MAPK14: variants seen among roughly 807,000 people sequenced by gnomAD.
MAPK14 encodes CSAID-binding protein.
In MAPK14, 16 loss-of-function variants were observed where a neutral mutation model predicts 49.6. The observed-to-expected ratio is 0.32, with a 90% CI of 0.22 to 0.49. The LOEUF is 0.49. Among genes scored for constraint, MAPK14 ranks in the 20% least tolerant of loss-of-function variants. MAPK14 has a pLI of 0.99. For synonymous variants in MAPK14, 142 were observed against 158.0 expected (o/e 0.90, Z 0.76); for missense variants, 200 against 441.2 (o/e 0.45, Z 4.90).
intron 8 of MAPK14, among the ~76,000 whole-genome samples, chr6:36,089,119 G>A (rs919293368): frequency 3.3e-5 from 5 of 152,190 alleles, no homozygotes; most frequent in Admixed American, 2.6e-4. Context: ...GTTGATTGCA[G>A]CAGTATTCAG....
chr6:36,058,318 A>T, intron 2 of MAPK14, among the ~76,000 whole-genome samples: 1 of 152,240 alleles, frequency 6.6e-6, no homozygotes, highest in East Asian at 1.9e-4. Context: ...GGTAACAACC[A>T]TGGATGTGTG....
At chr6:36,073,043 T>C (rs755292241) in intron 4 of MAPK14, 59 bp downstream of exon 4, 1 of 1,086,014 alleles carries the variant, frequency 9.2e-7, no homozygotes, top group South Asian at 1.3e-5. Flanking sequence ...CCCCTCCTTT[T>C]AGGGCTTAAA....
chr6:36,070,297 A>G (rs950321538), intron 3 of MAPK14, among the ~76,000 whole-genome samples: 2 of 152,214 alleles, frequency 1.3e-5, no homozygotes, highest in Non-Finnish European at 2.9e-5. Flanking sequence ...GATTAAGATC[A>G]TGGTCTGTGG....
At chr6:36,101,638 C>T (rs1765642498) in intron 9 of MAPK14, among the ~76,000 whole-genome samples, 1 of 151,928 alleles carries the variant, frequency 6.6e-6, no homozygotes, top group Admixed American at 6.6e-5. Context: ...CTCAGTCTCC[C>T]AAGTAGCTGG....
At chr6:36,045,660 C>A (rs201746429) in intron 1 of MAPK14, among the ~76,000 whole-genome samples, 4 of 144,396 alleles carry the variant, frequency 2.8e-5, no homozygotes, top group Non-Finnish European at 6.2e-5. Context: ...TACAAAAAAA[C>A]TAGCTGGGTG....
In MAPK14 at chr6:36,084,748, C is replaced by T. The variant is rs1183218406; in HGVS notation, c.682+8140C>T. Among the ~76,000 whole-genome samples the T allele has an allele frequency of 2.0e-5, 3 of 152,300 alleles. No homozygotes were observed. The East Asian group carries it at 5.8e-4, about 29-fold the overall frequency. On this transcript the variant is annotated intron_variant, in intron 8 of 11. Transcript: ENST00000229794. The stretch of plus-strand genomic sequence containing the variant: ...GAGAATGGAAACAAGTTGGAAAACA[C>T]ACTTCAGGATATCAGCCAGGAGAAC...
chr6:36,052,675 G>GT (rs1332620807), intron 1 of MAPK14, 24 bp from the exon 2 acceptor site: 3 of 1,582,686 alleles, frequency 1.9e-6, no homozygotes, highest in Admixed American at 3.8e-5. Flanking sequence ...TTAATGGTGG[G>GT]TTTTTTCCCT....
intron 8 of MAPK14, among the ~76,000 whole-genome samples, chr6:36,083,246 A>C (rs1371890119): frequency 6.6e-6 from 1 of 152,190 alleles, no homozygotes; most frequent in African/African-American, 2.4e-5. Flanking sequence ...TGCAAAGGGC[A>C]AGGGGAGCTC....
intron 1 of MAPK14, among the ~76,000 whole-genome samples, chr6:36,044,675 G>A (rs1427655560): frequency 6.6e-6 from 1 of 151,780 alleles, no homozygotes; most frequent in African/African-American, 2.4e-5. Flanking sequence ...AGGAGTTCGA[G>A]ACCAGCCTGG....
At chr6:36,119,975 G>C in the MAPK14 span, among the ~76,000 whole-genome samples, 1 of 152,132 alleles carries the variant, frequency 6.6e-6, no homozygotes, top group Non-Finnish European at 1.5e-5. Flanking sequence ...CTTGTAGAGG[G>C]GTCACCTCTA....
rs771982647 is a variant in MAPK14, at chr6:36,104,069, G to A, written c.841+1420G>A. On this transcript the variant is annotated intron_variant, in intron 10 of 11. Coordinates refer to ENST00000229794, the MANE Select transcript of MAPK14 (RefSeq NM_139012.3). ...GATTATGGAGAGGAATTTTAGTGTC[G>A]CTGTGATAATTCTTATAATAGCAGA... Among the ~76,000 whole-genome samples the A allele has an allele frequency of 3.8e-4, 58 of 152,268 alleles. No individual in the cohort carries two copies. The Middle Eastern group carries it at 0.014, about 36-fold the overall frequency.
intron 8 of MAPK14, among the ~76,000 whole-genome samples, chr6:36,084,896 TGAAG>T (rs1450087430): frequency 6.6e-6 from 1 of 151,498 alleles, no homozygotes; most frequent in East Asian, 1.9e-4. Flanking sequence ...AAGGTTGAAA[TGAAG>T]GAAAAAATAC....
At chr6:36,104,706 G>A (rs977300539) in intron 10 of MAPK14, among the ~76,000 whole-genome samples, 6 of 152,128 alleles carry the variant, frequency 3.9e-5, no homozygotes, top group Admixed American at 1.3e-4. Context: ...CTTTCTTGTC[G>A]TCATTCTGTT....
At chr6:36,116,605 A>C in the MAPK14 span, among the ~76,000 whole-genome samples, 1 of 152,134 alleles carries the variant, frequency 6.6e-6, no homozygotes, top group East Asian at 1.9e-4. Flanking sequence ...TCATATCAGT[A>C]ATACTCCTGA....
intron 8 of MAPK14, among the ~76,000 whole-genome samples, chr6:36,094,230 G>C (rs556908255): frequency 1.3e-5 from 2 of 152,296 alleles, no homozygotes; most frequent in Non-Finnish European, 2.9e-5. Flanking sequence ...GAAATAATGT[G>C]AGTGGACTTG....
chr6:36,064,450 G>A (rs531320110), intron 3 of MAPK14, among the ~76,000 whole-genome samples: 1 of 152,002 alleles, frequency 6.6e-6, no homozygotes, highest in East Asian at 1.9e-4. Flanking sequence ...CCCATCCCAG[G>A]TTTCTTATAC....
chr6:36,121,387 C>T, the MAPK14 span, among the ~76,000 whole-genome samples: 5 of 152,216 alleles, frequency 3.3e-5, no homozygotes, highest in Admixed American at 6.5e-5. Flanking sequence ...GGCTGCCTGT[C>T]ACATGGGAGC....
chr6:36,062,662 C>CT (rs67561112), intron 3 of MAPK14, among the ~76,000 whole-genome samples: 56,569 of 132,384 alleles, frequency 0.43, 13,368 homozygotes, highest in South Asian at 0.62. Context: ...TTTTTCTTTT[C>CT]TTTTTTTTTT....
chr6:36,047,850 C>G (rs1763242788), intron 1 of MAPK14, among the ~76,000 whole-genome samples: 1 of 152,028 alleles, frequency 6.6e-6, no homozygotes, highest in Non-Finnish European at 1.5e-5. Context: ...ATTCTCCTGC[C>G]TCAGCCTCCC....
Sources: allele counts gnomAD v4.1 joint callset (sites outside exome capture counted in the v4.1 genomes callset), GRCh38; gene constraint gnomAD v4.1.1; transcripts MANE v1.5; gene names NCBI Gene and HGNC (gene_info 2026-07-23, HGNC 2026-07-21).